KMT2C: variants seen among roughly 807,000 people sequenced by gnomAD.
KMT2C encodes the protein lysine methyltransferase 2C.
In KMT2C, 88 loss-of-function variants were observed where a neutral mutation model predicts 507.9. That is an observed-to-expected ratio of 0.17 (90% CI 0.15 to 0.21). The LOEUF (loss-of-function observed/expected upper bound fraction) is 0.21. KMT2C is among the 10% of genes least tolerant of loss of function. KMT2C has a pLI of 1.00. For synonymous variants in KMT2C, 2,049 were observed against 2,080.8 expected, an observed-to-expected ratio of 0.98 and a Z score of 0.42; for missense variants, 4,954 against 5,957.8, an observed-to-expected ratio of 0.83 and a Z score of 5.55.
chr7:152,139,111 T>C, intron 57 of KMT2C, 75 bp downstream of exon 57: 1 of 1,418,626 alleles, frequency 7.0e-7, no homozygotes, highest in Non-Finnish European at 1.0e-6. Context: ...GCCTTTCCCT[T>C]GGCTTCAGTG....
At position 152,177,632 on chromosome 7, in the gene KMT2C, G is replaced by A. The variant is rs1465769747; in HGVS notation, c.7821C>T (p.Pro2607=). 2.5e-6 allele frequency: 4 copies of A among 1,614,018 alleles called. No individual in the cohort carries two copies. In the African/African-American group the frequency reaches 5.3e-5, roughly 22 times the overall value. ...PDFPGPRHTD[P]MRRPPQGLPN... The stretch of plus-strand genomic sequence containing the variant: ...GTAGACCCTGGGGAGGTCGTCGCAT[G>A]GGGTCTGTGTGTCTAGGGCCCGGAA... The change falls in exon 38 of 59, where the codon CCC becomes CCT. Residue 2607 remains proline, a synonymous_variant. Coordinates refer to ENST00000262189, the MANE Select transcript of KMT2C (RefSeq NM_170606.3).
chr7:152,387,732 A>G (rs1179347112), intron 1 of KMT2C, among the ~76,000 whole-genome samples: 1 of 152,160 alleles, frequency 6.6e-6, no homozygotes, highest in Non-Finnish European at 1.5e-5. Flanking sequence ...CGGCCTCCCA[A>G]AGTGCTGGGA....
At chr7:152,220,775 C>A (rs1309111129) in intron 22 of KMT2C, 40 bp from the exon 23 acceptor site, 1 of 1,472,714 alleles carries the variant, frequency 6.8e-7, no homozygotes, top group East Asian at 2.3e-5. Flanking sequence ...TTTAAACTTT[C>A]ATTTCAAATT....
intron 16 of KMT2C, among the ~76,000 whole-genome samples, chr7:152,233,639 A>G (rs1424242978): frequency 1.3e-5 from 2 of 152,224 alleles, no homozygotes; most frequent in Admixed American, 6.5e-5. Flanking sequence ...AAATAAGACA[A>G]GATGCAAATT....
At chr7:152,185,952 A>T (rs908212528) in intron 33 of KMT2C, among the ~76,000 whole-genome samples, 1 of 152,210 alleles carries the variant, frequency 6.6e-6, no homozygotes, top group East Asian at 1.9e-4. Context: ...CCAGAACCAA[A>T]GTACAAGTTT....
chr7:152,330,774 AT>A (rs1204985074), intron 2 of KMT2C, 35 bp from the exon 3 acceptor site: 1 of 1,598,872 alleles, frequency 6.3e-7, no homozygotes, highest in African/African-American at 1.3e-5. Flanking sequence ...ACAAAGAGTC[AT>A]TTTTGTGTTT....
rs1032639076 is a variant in KMT2C at position 152,180,209 on chromosome 7, T to C, written c.7150-83A>G. On this transcript the variant is annotated intron_variant, in intron 36 of 58. Coordinates refer to ENST00000262189, the MANE Select transcript of KMT2C (RefSeq NM_170606.3). Reference sequence around the variant, plus strand: ...GTTACTGGCTTTTTATTTTTAGATATGGGATCTTGCTATGTTGCCCAGGCT... The same window carrying C: ...GTTACTGGCTTTTTATTTTTAGATACGGGATCTTGCTATGTTGCCCAGGCT... 3.5e-6 allele frequency: 5 copies of C among 1,440,668 alleles called. No individual in the cohort carries two copies. The East Asian group carries it at 6.8e-5, about 20-fold the overall frequency. The allele number at this position is 1,440,668 out of a possible 1,614,324, so 89.2% of individuals were successfully genotyped here.
rs570884406 is a variant in KMT2C, at chr7:152,243,402, T to C, written c.2532+4500A>G. Among the ~76,000 whole-genome samples, 176 of 152,358 alleles carry C rather than the reference T, an allele frequency of 1.2e-3. 1 individual carries two copies. The East Asian group carries it at 0.02, about 17-fold the overall frequency. On this transcript the variant is annotated intron_variant, in intron 14 of 58. Coordinates refer to ENST00000262189, the MANE Select transcript of KMT2C (RefSeq NM_170606.3). Reference sequence around the variant, plus strand: ...ACTTTTAAAACTGAAAGTACTCTTCTTATAATATAAAGTAAACTTCTTATA... The same window carrying C: ...ACTTTTAAAACTGAAAGTACTCTTCCTATAATATAAAGTAAACTTCTTATA...
At chr7:152,380,262 C>CA (rs1335571536) in intron 1 of KMT2C, among the ~76,000 whole-genome samples, 3 of 100,702 alleles carry the variant, frequency 3.0e-5, no homozygotes, top group Non-Finnish European at 4.0e-5. Flanking sequence ...CAAAACAAAA[C>CA]AAAAAACAAA....
chr7:152,248,671 T>A (rs1792896835), intron 13 of KMT2C, 51 bp from the exon 14 acceptor site: 1 of 1,158,940 alleles, frequency 8.6e-7, no homozygotes, highest in Non-Finnish European at 1.2e-6. Flanking sequence ...AATTTTAAAT[T>A]TTCTAACTAT....
At position 152,202,947 on chromosome 7, in the gene KMT2C, G is replaced by A. The variant is rs2129135591; in HGVS notation, c.4079C>T (p.Pro1360Leu). The change falls in exon 26 of 59, where the codon CCT becomes CTT. Residue 1360 changes from proline (P) to leucine (L), a missense_variant. Physicochemically the swap from Pro to Leu is moderately conservative, Grantham distance 98. Transcript: ENST00000262189. Reference sequence around the variant, plus strand: ...GCAAAATATTACTTGTAAATAGGCAGGGAAAGTTTCTTCAAGCTTATTTTT... The same window carrying A: ...GCAAAATATTACTTGTAAATAGGCAAGGAAAGTTTCTTCAAGCTTATTTTT... The part of the protein sequence containing the change: ...KRKNKLEETF[P>L]AYLQEAFFGK... The A allele has an allele frequency of 6.3e-7, 1 of 1,599,072 alleles. No homozygotes were observed. The highest frequency in any genetic ancestry group is 8.6e-7 in the Non-Finnish European group (1 of 1,169,234).
At chr7:152,290,555 G>A (rs201107840) in intron 6 of KMT2C, among the ~76,000 whole-genome samples, 4 of 151,080 alleles carry the variant, frequency 2.6e-5, no homozygotes, top group African/African-American at 7.3e-5. Context: ...TGATCCACCC[G>A]CTTCAGCCTC....
intron 1 of KMT2C, among the ~76,000 whole-genome samples, chr7:152,434,065 C>T (rs1030045597): frequency 6.6e-6 from 1 of 152,212 alleles, no homozygotes; most frequent in Non-Finnish European, 1.5e-5. Flanking sequence ...ATGGCTTGTC[C>T]TGAGTTGCTT....
chr7:152,289,996 G>A (rs978570852), intron 6 of KMT2C, among the ~76,000 whole-genome samples: 51 of 151,294 alleles, frequency 3.4e-4, no homozygotes, highest in Non-Finnish European at 1.6e-4. Context: ...AGCTGAGATC[G>A]CACCACTGCA....
rs559686833 is a variant in KMT2C at position 152,176,981 on chromosome 7, C to T, written c.8472G>A (p.Thr2824=). 1.2e-5 allele frequency: 20 copies of T among 1,613,940 alleles called. No homozygotes were observed. Among genetic ancestry groups the T allele is most frequent in the Middle Eastern group, 1.6e-4 (1 of 6,062 alleles). Residue 2824 remains threonine, a synonymous_variant, in exon 38 of 59, where the codon ACG becomes ACA. Coordinates refer to ENST00000262189, the MANE Select transcript of KMT2C (RefSeq NM_170606.3). ...CCTTAGAATTTGGAGACAGTACTTC[C>T]GTTTTTACCTCATTGGTAACAGTGG... is the stretch of plus-strand genomic sequence containing the variant. ...KKSTVTNEVK[T]EVLSPNSKVE... is the part of the protein sequence containing the mutation.
intron 56 of KMT2C, 42 bp from the exon 57 acceptor site, chr7:152,139,301 A>G (rs1375703841): frequency 6.3e-7 from 1 of 1,575,654 alleles, no homozygotes; most frequent in Admixed American, 1.7e-5. Context: ...TGTCGACCTG[A>G]AACTCCCCTC....
At chr7:152,282,814 T>A (rs535148502) in intron 6 of KMT2C, among the ~76,000 whole-genome samples, 1 of 152,276 alleles carries the variant, frequency 6.6e-6, no homozygotes, top group South Asian at 2.1e-4. Context: ...ATTCACTTGC[T>A]ATATATATAG....
chr7:152,164,164 G>T (rs1325052853), intron 42 of KMT2C, among the ~76,000 whole-genome samples: 1 of 152,046 alleles, frequency 6.6e-6, no homozygotes, highest in East Asian at 1.9e-4. Flanking sequence ...AATAAAAAAG[G>T]TTACACAAGC....
intron 11 of KMT2C, among the ~76,000 whole-genome samples, chr7:152,251,372 A>G (rs1308847646): frequency 6.6e-6 from 1 of 152,224 alleles, no homozygotes; most frequent in Non-Finnish European, 1.5e-5. Flanking sequence ...ATGAAAGGTT[A>G]GTAATTAAGA....
Sources: gnomAD v4.1 joint callset for allele counts (sites outside exome capture counted in the v4.1 genomes callset) on GRCh38, gnomAD v4.1.1 for gene constraint, MANE v1.5 for transcripts, NCBI Gene and HGNC (gene_info 2026-07-23, HGNC 2026-07-21) for gene names.